The following ABCA4 variants were observed in gnomAD, a reference collection of about 807,000 sequenced individuals.
ABCA4 encodes ATP binding cassette subfamily A member 4.
A neutral mutation model predicts 263.7 loss-of-function variants in ABCA4; 196 were observed. The observed-to-expected ratio is 0.74, with a 90% CI of 0.66 to 0.84. The LOEUF is 0.84. Ranked by LOEUF, ABCA4 falls within the 40% of genes least tolerant of loss-of-function variation. The pLI is 0.00. For synonymous variants in ABCA4, 1,133 were observed against 1,094.2 expected (o/e 1.04, Z -0.70); for missense variants, 2,792 against 2,855.1 (o/e 0.98, Z 0.50).
At chr1:94,098,656 T>C (rs1231281153) in intron 6 of ABCA4, 138 bp downstream of exon 6, 1 of 996,272 alleles carries the variant, frequency 1.0e-6, no homozygotes, top group African/African-American at 1.6e-5. Flanking sequence ...GTTGTGATTT[T>C]TTGAGCCCTG....
At chr1:93,997,434 T>A (rs1004618471) in intron 48 of ABCA4, among the ~76,000 whole-genome samples, 2 of 144,056 alleles carry the variant, frequency 1.4e-5, no homozygotes, top group African/African-American at 5.3e-5. Flanking sequence ...ATTTTCTGAT[T>A]TTTTTTTTTT....
chr1:94,032,163 AC>A, intron 26 of ABCA4, 120 bp from the exon 27 acceptor site: 1 of 1,219,346 alleles, frequency 8.2e-7, no homozygotes, highest in Non-Finnish European at 1.2e-6. Flanking sequence ...GCAATGAAAT[AC>A]CAGGCTGGTA....
chr1:94,008,952 C>T, intron 40 of ABCA4, 81 bp from the exon 41 acceptor site: 4 of 1,572,992 alleles, frequency 2.5e-6, no homozygotes, highest in Non-Finnish European at 3.5e-6. Flanking sequence ...CTCTCTTCCA[C>T]TTCCTTGCTT....
At chr1:94,120,881 C>A (rs372845872) in intron 1 of ABCA4, 99 bp downstream of exon 1, 27 of 636,522 alleles carry the variant, frequency 4.2e-5, no homozygotes, top group African/African-American at 1.3e-4. Context: ...CACAACCCCC[C>A]ACCCTGCCCC....
rs575742884 is a variant in ABCA4, at chr1:94,001,171, C to T, written c.6283-66G>A. 2.9e-5 allele frequency: 39 copies of T among 1,345,494 alleles called. No homozygotes were observed. The African/African-American group carries it at 4.8e-4, about 17-fold the overall frequency. The allele number at this position is 1,345,494 out of a possible 1,614,324, so 83.3% of individuals were successfully genotyped here. A position where few individuals can be genotyped will look rare whatever the true frequency, so the allele number is the denominator to read the frequency against. On this transcript the variant is annotated intron_variant, in intron 45 of 49. Transcript: ENST00000370225. The stretch of plus-strand genomic sequence containing the variant: ...TGGCCCTTCTGATTACTGCTTCCCC[C>T]TGGGCTGGCTCCCCTGTGGAGGATG...
intron 7 of ABCA4, 39 bp downstream of exon 7, chr1:94,083,313 A>T: frequency 6.8e-7 from 1 of 1,465,910 alleles, no homozygotes. Context: ...TGGTGGAAAG[A>T]CATAATGAAA....
At position 94,031,836 on chromosome 1, in the gene ABCA4, G is replaced by T. The variant is rs552517556; in HGVS notation, c.4070C>A (p.Ala1357Glu). The change falls in exon 27 of 50, where the codon GCG (alanine) becomes GAG (glutamate). Residue 1357 changes from alanine to glutamate, a missense_variant. By Grantham distance (107) the Ala-to-Glu change is moderately radical. Coordinates refer to ENST00000370225, the MANE Select transcript of ABCA4 (RefSeq NM_000350.3). Reference sequence around the variant, plus strand: ...GTGTTGGAATCTCTTGACCAGCAGCGCCTGCACATGCTGGAGGACCAGCTG... The same window carrying T: ...GTGTTGGAATCTCTTGACCAGCAGCTCCTGCACATGCTGGAGGACCAGCTG... ...GTQLVLQHVQ[A>E]LLVKRFQHTI... is the part of the protein sequence containing the mutation. 6.2e-7 allele frequency: 1 copy of T among 1,614,124 alleles called. No homozygotes were observed. The highest frequency in any genetic ancestry group is 8.5e-7 in the Non-Finnish European group (1 of 1,180,028).
intron 5 of ABCA4, 42 bp from the exon 6 acceptor site, chr1:94,099,033 G>T: frequency 6.3e-7 from 1 of 1,576,586 alleles, no homozygotes; most frequent in Non-Finnish European, 8.6e-7. Context: ...CCCTGTGGTA[G>T]GAAAGACACC....
intron 1 of ABCA4, among the ~76,000 whole-genome samples, chr1:94,119,123 AT>A: frequency 6.6e-6 from 1 of 152,102 alleles, no homozygotes; most frequent in East Asian, 1.9e-4. Flanking sequence ...CCTGGAGATT[AT>A]TTTTTGATAG....
At chr1:94,014,018 ATG>A (rs777526268) in intron 38 of ABCA4, among the ~76,000 whole-genome samples, 1 of 152,030 alleles carries the variant, frequency 6.6e-6, no homozygotes, top group Admixed American at 6.5e-5. Flanking sequence ...AAATGTATTG[ATG>A]TGTGTGTGTG....
At chr1:94,030,135 C>A (rs1276215086) in intron 29 of ABCA4, among the ~76,000 whole-genome samples, 4 of 152,202 alleles carry the variant, frequency 2.6e-5, no homozygotes, top group Non-Finnish European at 5.9e-5. Flanking sequence ...TCCCTCCCTC[C>A]CTGCTCAGAG....
Position 94,060,740 on chromosome 1 carries a change from G to A in ABCA4, c.1957C>T (p.Arg653Cys), listed in dbSNP as rs61749420. ...VDDSFMIILN[R>C]CFPIFMVLAW... ...AGCACCATGAAGATAGGGAAACAGC[G>A]GTTCAGGATGATCATGAAACTAAAG... is the stretch of plus-strand genomic sequence containing the variant. Residue 653 changes from arginine (R) to cysteine (C), a missense_variant, in exon 14 of 50, where the codon CGC (arginine) becomes TGC (cysteine). By Grantham distance (180) the Arg-to-Cys change is radical. Transcript: ENST00000370225. 43 of 1,612,644 alleles carry A rather than the reference G, an allele frequency of 2.7e-5. No homozygotes were observed. The highest frequency in any genetic ancestry group is 4.4e-5 in the South Asian group (4 of 90,792).
At chr1:94,038,061 G>C (rs1398018967) in intron 24 of ABCA4, among the ~76,000 whole-genome samples, 1 of 151,986 alleles carries the variant, frequency 6.6e-6, no homozygotes, top group Non-Finnish European at 1.5e-5. Flanking sequence ...CTTCTCAGAA[G>C]ATTGCACAGT....
In ABCA4 at chr1:94,041,114, G is replaced by T. The variant is rs956614415; in HGVS notation, c.3522+95C>A. 3.9e-6 allele frequency: 5 copies of T among 1,286,800 alleles called. No homozygotes were observed. In the East Asian group the frequency reaches 1.2e-4, roughly 30 times the overall value. 79.7% of individuals were successfully genotyped at this position (1,286,800 alleles called of 1,614,324 possible). On this transcript the variant is annotated intron_variant, in intron 23 of 49. Transcript: ENST00000370225. Reference sequence around the variant, plus strand: ...GAACAAAGACACTGATTCTGGTGGCGAGAGCCTGTGTGAGTAGCCATGTCT... The same window carrying T: ...GAACAAAGACACTGATTCTGGTGGCTAGAGCCTGTGTGAGTAGCCATGTCT...
chr1:94,034,812 T>A (rs1453222442), intron 26 of ABCA4, among the ~76,000 whole-genome samples: 1 of 152,174 alleles, frequency 6.6e-6, no homozygotes, highest in African/African-American at 2.4e-5. Context: ...GGATGTTAAG[T>A]GCTTTGAGGT....
In ABCA4 at chr1:94,031,921, G is replaced by A. The variant is rs1660216923; in HGVS notation, c.3985C>T (p.Pro1329Ser). The change falls in exon 27 of 50, where the codon CCA becomes TCA. Residue 1329 changes from proline (P) to serine (S), a missense_variant. By Grantham distance (74) the Pro-to-Ser change is moderately conservative. Transcript: ENST00000370225. ...GGCTCTGGGGGAGGCTGGCCCTCTG[G>A]GTGAGCAGCCGGCGCCCCTGGGGAG... Reference protein sequence around the residue: ...VCSPGAPAAHPEGQPPPEPEC... With the variant: ...VCSPGAPAAHSEGQPPPEPEC... 6.2e-7 allele frequency: 1 copy of A among 1,614,154 alleles called. No homozygotes were observed. The highest frequency in any genetic ancestry group is 8.5e-7 in the Non-Finnish European group (1 of 1,180,014).
intron 11 of ABCA4, among the ~76,000 whole-genome samples, chr1:94,074,526 C>T (rs977257519): frequency 4.6e-5 from 7 of 152,184 alleles, no homozygotes; most frequent in African/African-American, 1.7e-4. Context: ...TCTAATTAGG[C>T]TAAAGAGCTT....
At chr1:94,002,822 T>C (rs941483824) in intron 44 of ABCA4, among the ~76,000 whole-genome samples, 2 of 152,192 alleles carry the variant, frequency 1.3e-5, no homozygotes, top group East Asian at 3.8e-4. Flanking sequence ...CTGAGGACTT[T>C]TCACTCTCTA....
chr1:94,062,365 C>T (rs1472904470), intron 13 of ABCA4, among the ~76,000 whole-genome samples: 2 of 152,126 alleles, frequency 1.3e-5, no homozygotes, highest in Non-Finnish European at 2.9e-5. Flanking sequence ...ACTCTTTTCC[C>T]TTTCCCACCA....
Sources: allele counts gnomAD v4.1 joint callset (sites outside exome capture counted in the v4.1 genomes callset), GRCh38; gene constraint gnomAD v4.1.1; transcripts MANE v1.5; gene names NCBI Gene and HGNC (gene_info 2026-07-23, HGNC 2026-07-21).